Variants in ZNF709 observed in about 807,000 individuals in gnomAD.
ZNF709 encodes zinc finger protein 709.
ZNF709 carries 15 observed loss-of-function variants against 10.6 expected under a neutral mutation model. The ratio of observed to expected loss-of-function variants is 1.41; its 90% confidence interval spans 0.95 to 2.18. The LOEUF (loss-of-function observed/expected upper bound fraction) is 2.18. Among genes scored for constraint, ZNF709 ranks in the 30% most tolerant of loss-of-function variants. ZNF709 has a pLI of 0.00. For missense variants in ZNF709, 589 were observed against 774.0 expected (o/e 0.76, Z 2.84); for synonymous variants, 194 against 238.8 (o/e 0.81, Z 1.73).
intron 1 of ZNF709, among the ~76,000 whole-genome samples, chr19:12,467,174 C>T (rs2144989272): frequency 6.6e-6 from 1 of 152,380 alleles, no homozygotes; most frequent in East Asian, 1.9e-4. Context: ...TCCACGGTCT[C>T]CCTCTGATGC....
At chr19:12,466,653 T>C (rs369640019) in intron 2 of ZNF709, 71 bp downstream of exon 2, 19 of 1,611,670 alleles carry the variant, frequency 1.2e-5, no homozygotes, top group African/African-American at 8.0e-5. Context: ...TTCTAAACCT[T>C]GGAACCTTGC....
chr19:12,484,531 A>T, intron 1 of ZNF709, 124 bp downstream of exon 1: 1 of 1,329,324 alleles, frequency 7.5e-7, no homozygotes, highest in Non-Finnish European at 1.0e-6. Flanking sequence ...CTGCGCCAGG[A>T]GGACTCGGGT....
In ZNF709 at chr19:12,465,519, A is replaced by AT. The variant is rs1438573612; in HGVS notation, c.402dup (p.Tyr135IlefsTer7). The stretch of plus-strand genomic sequence containing the variant: ...TTACATTCATATGATTTCTCTCCAT[A>AT]TTTGTGATATTCATATGATCTATGT... On this transcript the variant is annotated frameshift_variant, in exon 4 of 4. Coordinates refer to ENST00000397732, the MANE Select transcript of ZNF709 (RefSeq NM_152601.4). LOFTEE classifies it low-confidence loss of function (END_TRUNC). 1 of 1,610,868 alleles carries AT rather than the reference A, an allele frequency of 6.2e-7. No individual in the cohort carries two copies.
chr19:12,467,332 G>A (rs1008059118), intron 1 of ZNF709, among the ~76,000 whole-genome samples: 11 of 152,318 alleles, frequency 7.2e-5, no homozygotes, highest in African/African-American at 2.6e-4. Flanking sequence ...TGGTGGAGAC[G>A]GGGTTTCGCT....
intron 1 of ZNF709, among the ~76,000 whole-genome samples, chr19:12,472,241 G>A (rs1488730503): frequency 6.6e-6 from 1 of 152,094 alleles, no homozygotes; most frequent in Non-Finnish European, 1.5e-5. Flanking sequence ...GGAAACACAG[G>A]CCAGGCACGG....
intron 1 of ZNF709, among the ~76,000 whole-genome samples, chr19:12,474,473 G>T (rs1013759242): frequency 6.6e-6 from 1 of 152,194 alleles, no homozygotes; most frequent in African/African-American, 2.4e-5. Context: ...TGTGAACAAT[G>T]ATGCAATGAA....
chr19:12,484,543 C>A, intron 1 of ZNF709, 112 bp downstream of exon 1: 1 of 1,456,402 alleles, frequency 6.9e-7, no homozygotes. Context: ...GACTCGGGTC[C>A]ACAGACCCGG....
At position 12,465,511 on chromosome 19, in the gene ZNF709, C is replaced by CGAAA. The variant is rs776426371; in HGVS notation, c.410_411insTTTC (p.Glu137AspfsTer6). ...CACATTCCTTACATTCATATGATTT[C>CGAAA]TCTCCATATTTGTGATATTCATATG... On this transcript the variant is annotated frameshift_variant, in exon 4 of 4. Coordinates refer to ENST00000397732, the MANE Select transcript of ZNF709 (RefSeq NM_152601.4). LOFTEE classifies it low-confidence loss of function (END_TRUNC). The CGAAA allele has an allele frequency of 6.2e-7, 1 of 1,609,870 alleles. No homozygotes were observed. The highest frequency in any genetic ancestry group is 2.2e-5 in the East Asian group (1 of 44,866).
Position 12,471,063 on chromosome 19 carries a change from C to G in ZNF709, c.4-4213G>C, listed in dbSNP as rs533587873. Among the ~76,000 whole-genome samples the G allele has an allele frequency of 4.5e-4, 68 of 152,180 alleles. 1 individual carries two copies. Among genetic ancestry groups the G allele is most frequent in the African/African-American group, 1.6e-3 (67 of 41,516 alleles). On this transcript the variant is annotated intron_variant, in intron 1 of 3. Coordinates refer to ENST00000397732, the MANE Select transcript of ZNF709 (RefSeq NM_152601.4). ...GGCAGAGGATGCCTACTTGATCCGC[C>G]CCCCAAAAGCACTGTGAGCACTGGG...
chr19:12,467,605 G>A (rs959501771), intron 1 of ZNF709, among the ~76,000 whole-genome samples: 11 of 148,526 alleles, frequency 7.4e-5, no homozygotes, highest in Middle Eastern at 3.6e-3. Context: ...GCCGCCCATC[G>A]TCTGGGATGT....
At chr19:12,474,792 G>A (rs1483554691) in intron 1 of ZNF709, among the ~76,000 whole-genome samples, 3 of 152,134 alleles carry the variant, frequency 2.0e-5, no homozygotes, top group Non-Finnish European at 4.4e-5. Context: ...AAAAAGATAT[G>A]AAAGTATAAA....
intron 1 of ZNF709, among the ~76,000 whole-genome samples, chr19:12,477,957 T>G: frequency 6.6e-6 from 1 of 152,198 alleles, no homozygotes; most frequent in East Asian, 1.9e-4. Context: ...GGTTGCTTTA[T>G]AAAGTTTAAG....
intron 2 of ZNF709, 88 bp from the exon 3 acceptor site, chr19:12,466,607 T>C (rs1358829503): frequency 1.8e-5 from 29 of 1,603,694 alleles, no homozygotes; most frequent in Non-Finnish European, 2.4e-5. Flanking sequence ...GCTGTTATCC[T>C]GTCTGATTTA....
At chr19:12,483,954 C>A (rs1447842417) in intron 1 of ZNF709, among the ~76,000 whole-genome samples, 1 of 152,134 alleles carries the variant, frequency 6.6e-6, no homozygotes, top group Admixed American at 6.6e-5. Flanking sequence ...AAGAGAGGCA[C>A]AAGCATTTTA....
chr19:12,474,732 G>A (rs1443607769), intron 1 of ZNF709, among the ~76,000 whole-genome samples: 2 of 152,152 alleles, frequency 1.3e-5, no homozygotes, highest in African/African-American at 2.4e-5. Context: ...AACCTTGGAT[G>A]TCAAGAGAGT....
At chr19:12,479,162 G>A (rs961720579) in intron 1 of ZNF709, among the ~76,000 whole-genome samples, 1 of 152,068 alleles carries the variant, frequency 6.6e-6, no homozygotes, top group African/African-American at 2.4e-5. Context: ...AATTAGCTGG[G>A]AGTGGCAGCA....
In ZNF709 at chr19:12,478,509, G is replaced by A. The variant is rs118031319; in HGVS notation, c.3+6146C>T. Among the ~76,000 whole-genome samples the A allele has an allele frequency of 2.5e-3, 385 of 152,336 alleles. 4 individuals are homozygous for A. In the South Asian group the frequency reaches 0.033, roughly 13 times the overall value. On this transcript the variant is annotated intron_variant, in intron 1 of 3. Coordinates refer to ENST00000397732, the MANE Select transcript of ZNF709 (RefSeq NM_152601.4). ...AGGCAACAGAGCAGGTAGCAATTCA[G>A]TGCAAGAGAAGACAGACCCATGGGG...
rs1258644563 is a variant in ZNF709, at chr19:12,465,058, AG to A, written c.863del (p.Ala288ValfsTer68). ...TTCGAAAGGATGTGGGACAACTAAG[AG>A]CTTTACCACATTGCTTACACTGATA... ...KPYQCKQCGK[A>X]LSCPTSFRSH... On this transcript the variant is annotated frameshift_variant, in exon 4 of 4. Transcript: ENST00000397732. LOFTEE classifies it low-confidence loss of function (END_TRUNC). 1 of 1,611,998 alleles carries A rather than the reference AG, an allele frequency of 6.2e-7. No individual in the cohort carries two copies. Among genetic ancestry groups the A allele is most frequent in the African/African-American group, 1.3e-5 (1 of 74,524 alleles).
chr19:12,470,583 T>C (rs1239559186), intron 1 of ZNF709, among the ~76,000 whole-genome samples: 2 of 152,270 alleles, frequency 1.3e-5, no homozygotes, highest in East Asian at 1.9e-4. Flanking sequence ...TTCACTGATA[T>C]CTGGGAAGTG....
Sources: allele counts gnomAD v4.1 joint callset (sites outside exome capture counted in the v4.1 genomes callset), GRCh38; gene constraint gnomAD v4.1.1; transcripts MANE v1.5; gene names NCBI Gene and HGNC (gene_info 2026-07-23, HGNC 2026-07-21).